The following KIAA1549L variants were observed in gnomAD, a reference collection of about 807,000 sequenced individuals.
KIAA1549L encodes the protein KIAA1549 like, also known as UPF0606 protein KIAA1549L.
In KIAA1549L, 88 loss-of-function variants were observed where a neutral mutation model predicts 160.7. The ratio of observed to expected loss-of-function variants is 0.55; its 90% CI spans 0.46 to 0.65. The LOEUF (loss-of-function observed/expected upper bound fraction) is 0.65, where lower values mean the gene tolerates loss of function less well. Among genes scored for constraint, KIAA1549L ranks in the 30% least tolerant of loss-of-function variants. The pLI, the probability that KIAA1549L is intolerant of heterozygous loss-of-function variation, is 0.00. For missense variants in KIAA1549L, 2,258 were observed against 2,437.5 expected, an observed-to-expected ratio of 0.93 and a Z score of 1.55; for synonymous variants, 950 against 976.7, an observed-to-expected ratio of 0.97 and a Z score of 0.51.
chr11:33,425,686 G>T (rs528051292), intron 1 of KIAA1549L, among the ~76,000 whole-genome samples: 1 of 152,246 alleles, frequency 6.6e-6, no homozygotes, highest in Admixed American at 6.5e-5. Flanking sequence ...GCTATTATTA[G>T]GAAAGGCTGG....
intron 14 of KIAA1549L, among the ~76,000 whole-genome samples, chr11:33,608,565 T>TATGG (rs1564921882): frequency 6.6e-6 from 1 of 152,274 alleles, no homozygotes; most frequent in African/African-American, 2.4e-5. Context: ...TCTGCTCAGT[T>TATGG]ATGGATACAT....
At chr11:33,567,913 T>C (rs1343215766) in intron 8 of KIAA1549L, among the ~76,000 whole-genome samples, 163 bp from the exon 9 acceptor site, 1 of 152,212 alleles carries the variant, frequency 6.6e-6, no homozygotes, top group Non-Finnish European at 1.5e-5. Flanking sequence ...ATGATTGTCA[T>C]AGGGCTGTCG....
At chr11:33,431,489 C>T (rs1207827668) in intron 1 of KIAA1549L, among the ~76,000 whole-genome samples, 1 of 152,162 alleles carries the variant, frequency 6.6e-6, no homozygotes, top group East Asian at 1.9e-4. Flanking sequence ...TTCTCCAAGG[C>T]CCCACCAGAG....
intron 1 of KIAA1549L, among the ~76,000 whole-genome samples, chr11:33,482,519 A>G (rs1048647719): frequency 6.6e-6 from 1 of 151,942 alleles, no homozygotes; most frequent in Admixed American, 6.6e-5. Context: ...TCCTTTTGGC[A>G]CATATTTAAC....
chr11:33,606,697 G>A lies in KIAA1549L; in HGVS notation c.4936G>A (p.Ala1646Thr), dbSNP rs375618485. The change falls in exon 14 of 21, where the codon GCC becomes ACC. Residue 1646 changes from alanine to threonine, a missense_variant. Ala to Thr is a moderately conservative substitution (Grantham distance 58). Coordinates refer to ENST00000658780, the MANE Select transcript of KIAA1549L (RefSeq NM_012194.3). ...AVLFDNSSKV[A>T]AEPFDTSSGS... ...TCTATTTGACAACTCCAGCAAGGTG[G>A]CCGCTGAACCCTTTGACACATCTTC... 1.2e-5 allele frequency: 20 copies of A among 1,613,892 alleles called. No individual in the cohort carries two copies. The highest frequency in any genetic ancestry group is 1.7e-5 in the Non-Finnish European group (20 of 1,179,896).
chr11:33,587,002 C>T (rs763106488), intron 11 of KIAA1549L, among the ~76,000 whole-genome samples: 1 of 152,128 alleles, frequency 6.6e-6, no homozygotes, highest in African/African-American at 2.4e-5. Context: ...CAGTCCCTGT[C>T]GTTGGAACAA....
At position 33,544,700 on chromosome 11, in the gene KIAA1549L, C is replaced by T. The variant is rs1026308056; in HGVS notation, c.2774-67C>T. ...AGCAAATCCATAAGTTACATCCATT[C>T]ATCATCAGAACAAGTGACACGTGCA... On this transcript the variant is annotated intron_variant, in intron 2 of 20. Coordinates refer to ENST00000658780, the MANE Select transcript of KIAA1549L (RefSeq NM_012194.3). 4.6e-6 allele frequency: 7 copies of T among 1,522,704 alleles called. No homozygotes were observed. In the African/African-American group the frequency reaches 9.7e-5, roughly 21 times the overall value. The allele number at this position is 1,522,704 out of a possible 1,614,324, so 94.3% of individuals were successfully genotyped here.
At chr11:33,637,284 C>A (rs1008209860) in intron 16 of KIAA1549L, among the ~76,000 whole-genome samples, 1 of 152,258 alleles carries the variant, frequency 6.6e-6, no homozygotes, top group Non-Finnish European at 1.5e-5. Flanking sequence ...CCACCCTAAT[C>A]CAGGCCCCTG....
rs139479279 is a variant in KIAA1549L at position 33,400,052 on chromosome 11, T to C, written c.238+23163T>C. ...CATCTTTAAGAGAGATGTTTAATAATATGTTCAATGTTTATTATTAATTAA... is the reference window on the plus strand; with the variant it reads ...CATCTTTAAGAGAGATGTTTAATAACATGTTCAATGTTTATTATTAATTAA... On this transcript the variant is annotated intron_variant, in intron 1 of 20. Coordinates refer to ENST00000658780, the MANE Select transcript of KIAA1549L (RefSeq NM_012194.3). Among the ~76,000 whole-genome samples the C allele has an allele frequency of 4.3e-4, 65 of 152,290 alleles. No individual in the cohort carries two copies. The East Asian group carries it at 0.012, about 29-fold the overall frequency.
intron 1 of KIAA1549L, among the ~76,000 whole-genome samples, chr11:33,398,401 A>G (rs1385331637): frequency 4.6e-5 from 7 of 152,156 alleles, no homozygotes; most frequent in Admixed American, 3.9e-4. Flanking sequence ...TTTTATGGCA[A>G]TTAGGCATTG....
intron 1 of KIAA1549L, among the ~76,000 whole-genome samples, chr11:33,520,360 C>A (rs922742430): frequency 6.6e-6 from 1 of 151,918 alleles, no homozygotes; most frequent in Non-Finnish European, 1.5e-5. Context: ...TGTTAGATTG[C>A]ACATATAAGT....
At position 33,441,599 on chromosome 11, in the gene KIAA1549L, A is replaced by G. The variant is rs1422801610; in HGVS notation, c.238+64710A>G. Among the ~76,000 whole-genome samples, 4 of 152,056 alleles carry G rather than the reference A, an allele frequency of 2.6e-5. No individual in the cohort carries two copies. The East Asian group carries it at 7.7e-4, about 29-fold the overall frequency. ...AGCACCTGTTGTTTCCTGACTTTTT[A>G]ATGATTGCCATTCTAACTTGTGTGA... is the stretch of plus-strand genomic sequence containing the variant. On this transcript the variant is annotated intron_variant, in intron 1 of 20. Transcript: ENST00000658780.
At position 33,610,932 on chromosome 11, in the gene KIAA1549L, G is replaced by A. The variant is rs75938310; in HGVS notation, c.5279+966G>A. Among the ~76,000 whole-genome samples the A allele has an allele frequency of 9.5e-3, 1,440 of 152,304 alleles. 14 individuals are homozygous for A. The highest frequency in any genetic ancestry group is 0.031 in the African/African-American group (1,293 of 41,574). On this transcript the variant is annotated intron_variant, in intron 15 of 20. Transcript: ENST00000658780. ...GAGGGCAAAGAGAGAGCAAGAGCAGGCCAAATAATGCCACCCATGAGGAGG... is the reference window on the plus strand; with the variant it reads ...GAGGGCAAAGAGAGAGCAAGAGCAGACCAAATAATGCCACCCATGAGGAGG...
intron 1 of KIAA1549L, among the ~76,000 whole-genome samples, chr11:33,491,012 T>G (rs142953516): frequency 3.2e-4 from 49 of 152,360 alleles, no homozygotes; most frequent in African/African-American, 1.1e-3. Context: ...TTCCTATCTG[T>G]CATTCCTCTT....
At chr11:33,434,377 G>A (rs755818989) in intron 1 of KIAA1549L, among the ~76,000 whole-genome samples, 23 of 152,286 alleles carry the variant, frequency 1.5e-4, no homozygotes, top group Middle Eastern at 3.4e-3. Context: ...CCCCAGCTAT[G>A]TAGAACTGTG....
At chr11:33,641,570 C>CTGTG (rs1487315470) in intron 16 of KIAA1549L, among the ~76,000 whole-genome samples, 1 of 55,906 alleles carries the variant, frequency 1.8e-5, no homozygotes, top group South Asian at 5.7e-4. Context: ...GGTAATGGAT[C>CTGTG]TGTATATATA....
intron 15 of KIAA1549L, among the ~76,000 whole-genome samples, chr11:33,616,011 A>C (rs1004424699): frequency 6.6e-6 from 1 of 152,340 alleles, no homozygotes; most frequent in African/African-American, 2.4e-5. Flanking sequence ...GCAGATAGCT[A>C]TAGGGCACAG....
intron 1 of KIAA1549L, among the ~76,000 whole-genome samples, chr11:33,478,327 A>G (rs766471626): frequency 2.0e-5 from 3 of 152,190 alleles, no homozygotes; most frequent in Non-Finnish European, 4.4e-5. Context: ...AGCCCCCCAG[A>G]CGGGCAAAGG....
intron 15 of KIAA1549L, among the ~76,000 whole-genome samples, chr11:33,614,584 ATTTTTTTTTT>A (rs869257067): frequency 9.8e-4 from 5 of 5,120 alleles, no homozygotes; most frequent in Admixed American, 4.7e-3. Context: ...ATATATATAT[ATTTTTTTTTT>A]TTTTTTTTTT....
Sources: gnomAD v4.1 joint callset for allele counts (sites outside exome capture counted in the v4.1 genomes callset) on GRCh38, gnomAD v4.1.1 for gene constraint, MANE v1.5 for transcripts, NCBI Gene and HGNC (gene_info 2026-07-23, HGNC 2026-07-21) for gene names.